Variants in DPP6 observed in about 807,000 individuals in gnomAD.
The protein encoded by DPP6 is A-type potassium channel modulatory protein DPP6.
A neutral mutation model predicts 122.6 loss-of-function variants in DPP6; 69 were observed. That is an observed-to-expected ratio of 0.56 (90% CI 0.46 to 0.69). DPP6 has a LOEUF of 0.69. Ranked by LOEUF, DPP6 falls within the 30% of genes least tolerant of loss-of-function variation. DPP6 has a pLI of 0.00. For synonymous variants in DPP6, 418 were observed against 433.1 expected (o/e 0.97, Z 0.43); for missense variants, 928 against 1,116.9 (o/e 0.83, Z 2.41).
intron 5 of DPP6, among the ~76,000 whole-genome samples, chr7:154,573,513 A>G (rs1586657230): frequency 6.6e-6 from 1 of 152,286 alleles, no homozygotes; most frequent in East Asian, 1.9e-4. Flanking sequence ...TGCACCCATC[A>G]GCATCACTCC....
intron 5 of DPP6, among the ~76,000 whole-genome samples, chr7:154,622,808 T>C (rs1834781495): frequency 6.6e-6 from 1 of 152,252 alleles, no homozygotes; most frequent in Non-Finnish European, 1.5e-5. Flanking sequence ...GGCAGCCTGC[T>C]GTGGGAATCT....
chr7:153,868,129 C>T, the DPP6 span, among the ~76,000 whole-genome samples: 4 of 152,002 alleles, frequency 2.6e-5, no homozygotes, highest in Non-Finnish European at 4.4e-5. Context: ...GGTTGTGTCT[C>T]TGCCCGGCTT....
intron 1 of DPP6, among the ~76,000 whole-genome samples, chr7:153,944,143 G>C (rs6948322): frequency 6.6e-6 from 1 of 152,152 alleles, no homozygotes. Context: ...CCTGGAGCAC[G>C]AGCCTCGTTA....
At chr7:154,125,067 G>A (rs758168788) in intron 1 of DPP6, among the ~76,000 whole-genome samples, 16 of 152,234 alleles carry the variant, frequency 1.1e-4, no homozygotes, top group Non-Finnish European at 2.4e-4. Context: ...CAGTCAGGGC[G>A]CAGCCCATTG....
intron 1 of DPP6, among the ~76,000 whole-genome samples, chr7:153,960,265 T>G (rs1795277817): frequency 6.6e-6 from 1 of 152,090 alleles, no homozygotes; most frequent in African/African-American, 2.4e-5. Flanking sequence ...GTCATGCTAT[T>G]TTATAACATT....
chr7:153,845,818 G>T, the DPP6 span, among the ~76,000 whole-genome samples: 1 of 152,012 alleles, frequency 6.6e-6, no homozygotes. Flanking sequence ...AATTAACCAT[G>T]ACTTTAGACT....
chr7:154,018,506 C>G (rs1048087530), intron 1 of DPP6, among the ~76,000 whole-genome samples: 1 of 152,186 alleles, frequency 6.6e-6, no homozygotes, highest in Non-Finnish European at 1.5e-5. Context: ...TAGGAACAGG[C>G]AAGTGTCCCT....
chr7:154,431,488 TTTCTTTTCTTTTC>T (rs1818399015), intron 1 of DPP6, among the ~76,000 whole-genome samples: 1 of 109,046 alleles, frequency 9.2e-6, no homozygotes, highest in Non-Finnish European at 1.9e-5. Flanking sequence ...TTTCTTTTCT[TTTCTTTTCTTTTC>T]TTTTCTTTCT....
chr7:154,447,599 A>G (rs1425831126), intron 2 of DPP6, among the ~76,000 whole-genome samples: 1 of 152,182 alleles, frequency 6.6e-6, no homozygotes, highest in Admixed American at 6.5e-5. Flanking sequence ...CTGTACCCTG[A>G]TACCAAACTA....
Position 154,464,166 on chromosome 7 carries a change from G to C in DPP6, c.359-10773G>C, listed in dbSNP as rs371345578. Among the ~76,000 whole-genome samples the C allele has an allele frequency of 1.1e-3, 167 of 152,330 alleles. 2 individuals are homozygous for C. The South Asian group carries it at 0.013, about 12-fold the overall frequency. On this transcript the variant is annotated intron_variant, in intron 2 of 25. Coordinates refer to ENST00000377770, the MANE Select transcript of DPP6 (RefSeq NM_130797.4). ...GGATATGCAGTTCCCGAATGGCTAG[G>C]GCTGGTCTCAGTGCTCCGTCCGTGG... is the stretch of plus-strand genomic sequence containing the variant.
At chr7:154,347,417 T>C (rs1810491001) in intron 1 of DPP6, among the ~76,000 whole-genome samples, 1 of 152,238 alleles carries the variant, frequency 6.6e-6, no homozygotes, top group Non-Finnish European at 1.5e-5. Flanking sequence ...TTCATCTGCA[T>C]GAAAATTTAG....
intron 1 of DPP6, among the ~76,000 whole-genome samples, chr7:154,029,470 T>G (rs1296308346): frequency 6.6e-6 from 1 of 151,240 alleles, no homozygotes; most frequent in Non-Finnish European, 1.5e-5. Flanking sequence ...TGAGCTGAGA[T>G]CGCACCACTG....
intron 5 of DPP6, among the ~76,000 whole-genome samples, chr7:154,635,492 A>C (rs79823835): frequency 0.069 from 10,573 of 152,312 alleles, 613 homozygotes; most frequent in East Asian, 0.34. Context: ...GTTCAGAAGA[A>C]ACGTATCTAA....
chr7:154,323,213 G>A (rs939597483), intron 1 of DPP6, among the ~76,000 whole-genome samples: 2 of 152,068 alleles, frequency 1.3e-5, no homozygotes, highest in Admixed American at 6.5e-5. Flanking sequence ...GTTCATTTCC[G>A]AGATTCACTT....
Position 154,241,219 on chromosome 7 carries a change from G to GTGTGTGTGTA in DPP6, c.243+188157_243+188158insGTGTGTGTAT, listed in dbSNP as rs1444102599. On this transcript the variant is annotated intron_variant, in intron 1 of 25. Transcript: ENST00000377770. This position sits in a 1 kb window ranked among gnomAD's most constrained non-coding sequence, Gnocchi z 9.0. The stretch of plus-strand genomic sequence containing the variant: ...TGTGTGTGTGTGTGTGTGTGTGTGT[G>GTGTGTGTGTA]TATATATATATAGAGAGAGAGAGAG... Among the ~76,000 whole-genome samples, 728 of 142,812 alleles carry GTGTGTGTGTA rather than the reference G, an allele frequency of 5.1e-3. 4 individuals carry two copies. The highest frequency in any genetic ancestry group is 7.3e-3 in the Non-Finnish European group (491 of 67,090). 93.7% of individuals were successfully genotyped at this position (142,812 alleles called of 152,430 possible). A position where few individuals can be genotyped will look rare whatever the true frequency, so the allele number is the denominator to read the frequency against.
At chr7:154,608,274 C>A (rs1282538600) in intron 5 of DPP6, among the ~76,000 whole-genome samples, 1 of 141,306 alleles carries the variant, frequency 7.1e-6, no homozygotes, top group Non-Finnish European at 1.5e-5. Context: ...CACTGTGCCC[C>A]ACCTAGTTTT....
At chr7:154,427,079 A>G (rs1817980499) in intron 1 of DPP6, among the ~76,000 whole-genome samples, 1 of 152,198 alleles carries the variant, frequency 6.6e-6, no homozygotes, top group South Asian at 2.1e-4. Flanking sequence ...AGCTACTAAG[A>G]TCATTAATAT....
intron 1 of DPP6, among the ~76,000 whole-genome samples, chr7:154,388,264 G>A (rs1297738139): frequency 6.6e-6 from 1 of 152,176 alleles, no homozygotes; most frequent in Non-Finnish European, 1.5e-5. Context: ...TCCAGCCTGG[G>A]CAACAGAGTG....
intron 2 of DPP6, among the ~76,000 whole-genome samples, chr7:154,459,776 A>G (rs1425544208): frequency 7.1e-6 from 1 of 141,500 alleles, no homozygotes; most frequent in African/African-American, 2.7e-5. Context: ...ACTGCACTCC[A>G]GCCTGGGTGA....
Sources: gnomAD v4.1 joint callset for allele counts (sites outside exome capture counted in the v4.1 genomes callset) on GRCh38, gnomAD v4.1.1 for gene constraint, Gnocchi (gnomAD v3.1) non-coding constraint, MANE v1.5 for transcripts, NCBI Gene and HGNC (gene_info 2026-07-23, HGNC 2026-07-21) for gene names.